Variants in NUP54 observed in about 807,000 individuals in gnomAD.
The protein encoded by NUP54 is nucleoporin p54.
Under a neutral mutation model 66.4 loss-of-function variants are expected in NUP54, and 27 were observed. The observed-to-expected ratio is 0.41, with a 90% confidence interval of 0.30 to 0.56. NUP54 has a LOEUF of 0.56. Ranked by LOEUF, NUP54 falls within the 20% of genes least tolerant of loss-of-function variation. The pLI, the probability that NUP54 is intolerant of heterozygous loss-of-function variation, is 0.34. For synonymous variants in NUP54, 206 were observed against 210.7 expected, an observed-to-expected ratio of 0.98 and a Z score of 0.19; for missense variants, 486 against 596.3, an observed-to-expected ratio of 0.82 and a Z score of 1.93.
intron 5 of NUP54, 144 bp from the exon 6 acceptor site, chr4:76,132,863 T>G: frequency 2.2e-6 from 1 of 454,326 alleles, no homozygotes; most frequent in Non-Finnish European, 3.7e-6. Context: ...ATGTTTCCTT[T>G]TTTTTTTTTT....
chr4:76,115,918 A>T (rs1729932034), intron 11 of NUP54, among the ~76,000 whole-genome samples: 1 of 152,152 alleles, frequency 6.6e-6, no homozygotes, highest in African/African-American at 2.4e-5. Flanking sequence ...AGATGCTAAC[A>T]TTTTTTTAAG....
At chr4:76,116,953 A>G (rs1306618616) in intron 11 of NUP54, among the ~76,000 whole-genome samples, 3 of 152,170 alleles carry the variant, frequency 2.0e-5, no homozygotes, top group Non-Finnish European at 4.4e-5. Flanking sequence ...TTTTGCCTGT[A>G]ACTATTTTTA....
At chr4:76,119,968 T>C (rs1460313265) in intron 9 of NUP54, among the ~76,000 whole-genome samples, 1 of 152,158 alleles carries the variant, frequency 6.6e-6, no homozygotes, top group Non-Finnish European at 1.5e-5. Context: ...AAAATAATTT[T>C]ATTATCAAAA....
chr4:76,132,138 CAT>C (rs1730829907), intron 6 of NUP54, among the ~76,000 whole-genome samples: 2 of 151,966 alleles, frequency 1.3e-5, no homozygotes, highest in South Asian at 2.1e-4. Flanking sequence ...TAATCTATCA[CAT>C]AGTCAATCTA....
At chr4:76,130,512 G>A in intron 8 of NUP54, 144 bp downstream of exon 8, 1 of 547,432 alleles carries the variant, frequency 1.8e-6, no homozygotes, top group Non-Finnish European at 3.3e-6. Context: ...AAAGAAGGTA[G>A]TTGTATAAAA....
At chr4:76,134,131 G>A (rs1364776448) in intron 5 of NUP54, 44 bp downstream of exon 5, 9 of 1,418,232 alleles carry the variant, frequency 6.3e-6, no homozygotes, top group Non-Finnish European at 8.8e-6. Flanking sequence ...CTTAGGACCA[G>A]AAATAAATAC....
intron 3 of NUP54, 72 bp downstream of exon 3, chr4:76,144,077 T>C: frequency 6.9e-7 from 1 of 1,450,998 alleles, no homozygotes; most frequent in Non-Finnish European, 9.6e-7. Context: ...ACTAAAGTAT[T>C]CTGAATGCAC....
At chr4:76,120,737 T>C (rs991567241) in intron 9 of NUP54, among the ~76,000 whole-genome samples, 2 of 152,136 alleles carry the variant, frequency 1.3e-5, no homozygotes, top group African/African-American at 4.8e-5. Context: ...AGGATCTCAT[T>C]TTTTTTCTTT....
intron 4 of NUP54, among the ~76,000 whole-genome samples, chr4:76,135,063 A>G (rs1578686224): frequency 6.6e-6 from 1 of 152,156 alleles, no homozygotes; most frequent in African/African-American, 2.4e-5. Flanking sequence ...TATCTGATTC[A>G]TGGAATCTTA....
intron 3 of NUP54, among the ~76,000 whole-genome samples, chr4:76,140,173 A>G (rs973525582): frequency 1.3e-5 from 2 of 152,294 alleles, no homozygotes; most frequent in Non-Finnish European, 2.9e-5. Flanking sequence ...GCAGGAGGTT[A>G]TAAGATCCTG....
intron 9 of NUP54, among the ~76,000 whole-genome samples, chr4:76,122,404 C>T (rs182945703): frequency 1.3e-5 from 2 of 152,244 alleles, no homozygotes; most frequent in Admixed American, 6.5e-5. Context: ...CACCCCAAGC[C>T]CCTTGTAGTC....
chr4:76,129,930 T>C (rs1295483015), intron 8 of NUP54, among the ~76,000 whole-genome samples: 6 of 145,660 alleles, frequency 4.1e-5, no homozygotes, highest in African/African-American at 1.5e-4. Flanking sequence ...GAAATTTCTC[T>C]GACCTTTAAG....
intron 8 of NUP54, among the ~76,000 whole-genome samples, chr4:76,126,360 C>T (rs922609717): frequency 6.6e-6 from 1 of 152,144 alleles, no homozygotes. Context: ...TTACATGTTA[C>T]AAGAAAGAGG....
chr4:76,133,312 GT>G (rs34663204), intron 5 of NUP54, among the ~76,000 whole-genome samples: 19,643 of 146,980 alleles, frequency 0.13, 1,481 homozygotes, highest in East Asian at 0.35. Context: ...GATAGTATTT[GT>G]TTTTTTTTTT....
At chr4:76,129,966 G>GTTTTTTTTTTTTTTTTTTTTTTTTTT (rs775109047) in intron 8 of NUP54, among the ~76,000 whole-genome samples, 1 of 56,862 alleles carries the variant, frequency 1.8e-5, no homozygotes, top group Non-Finnish European at 3.0e-5. Flanking sequence ...AATTATGAAA[G>GTTTTTTTTTTTTTTTTTTTTTTTTTT]TTTTTTTTTT....
At chr4:76,143,333 C>T (rs1040527225) in intron 3 of NUP54, among the ~76,000 whole-genome samples, 5 of 152,202 alleles carry the variant, frequency 3.3e-5, no homozygotes, top group South Asian at 2.1e-4. Flanking sequence ...AGGCCAGGCG[C>T]GGTGGCGCAC....
chr4:76,117,871 A>G, intron 10 of NUP54, 97 bp from the exon 11 acceptor site: 1 of 1,113,600 alleles, frequency 9.0e-7, no homozygotes, highest in Non-Finnish European at 1.3e-6. Flanking sequence ...CATCTATTAA[A>G]AATTTCTATT....
intron 3 of NUP54, among the ~76,000 whole-genome samples, chr4:76,136,977 G>A (rs1452922366): frequency 6.6e-6 from 1 of 152,076 alleles, no homozygotes. Flanking sequence ...ACCTTATAAC[G>A]TTAAATTTGT....
intron 11 of NUP54, among the ~76,000 whole-genome samples, chr4:76,116,653 C>A (rs1729963846): frequency 6.6e-6 from 1 of 152,200 alleles, no homozygotes; most frequent in Admixed American, 6.5e-5. Context: ...ATGTTTATAA[C>A]TTACATGCGA....
Sources: gnomAD v4.1 joint callset for allele counts (sites outside exome capture counted in the v4.1 genomes callset) on GRCh38, gnomAD v4.1.1 for gene constraint, MANE v1.5 for transcripts, NCBI Gene and HGNC (gene_info 2026-07-23, HGNC 2026-07-21) for gene names.